CTBP2: variants seen among roughly 807,000 people sequenced by gnomAD.
CTBP2 encodes C-terminal binding protein 2.
A neutral mutation model predicts 80.3 loss-of-function variants in CTBP2; 30 were observed. The ratio of observed to expected loss-of-function variants is 0.37; its 90% confidence interval spans 0.28 to 0.51. CTBP2 has a LOEUF of 0.51. Ranked by LOEUF, CTBP2 falls within the 20% of genes least tolerant of loss-of-function variation. CTBP2 has a pLI of 0.93. For synonymous variants in CTBP2, 594 were observed against 587.4 expected (o/e 1.01, Z -0.16); for missense variants, 1,212 against 1,375.3 (o/e 0.88, Z 1.88).
chr10:125,092,920 G>T (rs1214224046), intron 2 of CTBP2, among the ~76,000 whole-genome samples: 1 of 152,092 alleles, frequency 6.6e-6, no homozygotes, highest in Non-Finnish European at 1.5e-5. Flanking sequence ...AGAGTGGGGG[G>T]GGGCAGCACG....
chr10:124,994,123 G>T, intron 5 of CTBP2, 138 bp from the exon 8 acceptor site: 4 of 1,208,366 alleles, frequency 3.3e-6, no homozygotes, highest in Non-Finnish European at 4.6e-6. Flanking sequence ...TGAGGGAAGG[G>T]AGTGGGAAGT....
At chr10:125,135,714 A>G (rs889717941) in intron 1 of CTBP2, among the ~76,000 whole-genome samples, 1 of 150,922 alleles carries the variant, frequency 6.6e-6, no homozygotes, top group Non-Finnish European at 1.5e-5. Context: ...CTGAAAGATG[A>G]CCCTCACCTG....
intron 2 of CTBP2, among the ~76,000 whole-genome samples, chr10:125,059,073 G>A (rs376676148): frequency 3.9e-5 from 6 of 152,114 alleles, no homozygotes; most frequent in Admixed American, 3.3e-4. Flanking sequence ...GGCTCACTGC[G>A]TGAACCTTCT....
At chr10:125,076,618 T>C (rs1318465544) in intron 2 of CTBP2, among the ~76,000 whole-genome samples, 1 of 152,186 alleles carries the variant, frequency 6.6e-6, no homozygotes, top group Non-Finnish European at 1.5e-5. Flanking sequence ...CAGACTTCAC[T>C]TTCCGAGTTC....
intron 1 of CTBP2, among the ~76,000 whole-genome samples, chr10:125,023,714 T>C (rs960186743): frequency 2.0e-5 from 3 of 152,208 alleles, no homozygotes; most frequent in Non-Finnish European, 4.4e-5. Flanking sequence ...TAGGAGCCTA[T>C]TGTGTGTATG....
At chr10:125,039,743 GC>G (rs1959194545) in intron 2 of CTBP2, among the ~76,000 whole-genome samples, 1 of 152,256 alleles carries the variant, frequency 6.6e-6, no homozygotes, top group Non-Finnish European at 1.5e-5. Context: ...TTCCTCCGAT[GC>G]CGCCTTCCTG....
intron 8 of CTBP2, among the ~76,000 whole-genome samples, chr10:124,990,768 A>ATCAG (rs1196009747): frequency 6.6e-6 from 1 of 151,782 alleles, no homozygotes; most frequent in Non-Finnish European, 1.5e-5. Context: ...CATGAATGGG[A>ATCAG]TCAGTGCCTT....
intron 2 of CTBP2, among the ~76,000 whole-genome samples, chr10:125,054,800 C>T (rs780061204): frequency 2.0e-5 from 3 of 152,146 alleles, no homozygotes; most frequent in East Asian, 1.9e-4. Context: ...AAAAAACAAG[C>T]GAAACCCTCT....
At chr10:125,157,558 C>A (rs1403701498) in intron 1 of CTBP2, among the ~76,000 whole-genome samples, 4 of 152,078 alleles carry the variant, frequency 2.6e-5, no homozygotes, top group Admixed American at 2.6e-4. Context: ...TAACTGGGGT[C>A]CCCTACCCCT....
Position 125,003,934 on chromosome 10 carries a change from C to T in CTBP2, c.1679-442G>A, listed in dbSNP as rs556828898. Among the ~76,000 whole-genome samples the T allele has an allele frequency of 2.6e-5, 4 of 152,364 alleles. No individual in the cohort carries two copies. In the East Asian group the frequency reaches 5.8e-4, roughly 22 times the overall value. On this transcript the variant is annotated intron_variant, in intron 1 of 8. Coordinates refer to ENST00000309035, the MANE Select transcript of CTBP2 (RefSeq NM_022802.3). ...ACAAACAGGCGGCCTGGGCAGGCTC[C>T]TCCAGCCCCTCTCACCTGCGCTGGG...
intron 1 of CTBP2, among the ~76,000 whole-genome samples, chr10:125,136,203 G>A (rs1457806135): frequency 2.0e-5 from 3 of 152,126 alleles, no homozygotes; most frequent in Admixed American, 2.0e-4. Context: ...GGCAGGGGGC[G>A]GCCTCCTAGG....
intron 2 of CTBP2, among the ~76,000 whole-genome samples, chr10:125,087,309 T>C (rs1848138252): frequency 6.6e-6 from 1 of 152,048 alleles, no homozygotes; most frequent in African/African-American, 2.4e-5. Context: ...TGACCTCAGG[T>C]GATTCGCCCA....
chr10:125,118,420 G>A (rs995166847), intron 1 of CTBP2, among the ~76,000 whole-genome samples: 7 of 152,186 alleles, frequency 4.6e-5, no homozygotes, highest in African/African-American at 1.2e-4. Context: ...ATTGATAAAC[G>A]GGTGCTGCTG....
rs1952306884 is a variant in CTBP2, at chr10:124,989,605, G to C, written c.2871C>G (p.Leu957=). ...CTTGGGAAGGATGTGCCACTGTCGGGAGGTTGTGAGTCACTGGGATGCCTC... is the reference window on the plus strand; with the variant it reads ...CTTGGGAAGGATGTGCCACTGTCGGCAGGTTGTGAGTCACTGGGATGCCTC... The change falls in exon 9 of 9, where the codon CTC becomes CTG. Residue 957 remains leucine, a synonymous_variant. Transcript: ENST00000309035. The C allele has an allele frequency of 6.2e-7, 1 of 1,613,042 alleles. No homozygotes were observed. The highest frequency in any genetic ancestry group is 1.7e-5 in the Admixed American group (1 of 59,928).
At chr10:125,084,535 C>T (rs7068152) in intron 2 of CTBP2, among the ~76,000 whole-genome samples, 2,510 of 152,140 alleles carry the variant, frequency 0.016, 61 homozygotes, top group East Asian at 0.064. Flanking sequence ...GAAGGGAGGG[C>T]GTGAGGAGGT....
At chr10:124,991,901 G>T (rs989345568) in intron 8 of CTBP2, among the ~76,000 whole-genome samples, 207 of 146,254 alleles carry the variant, frequency 1.4e-3, no homozygotes, top group African/African-American at 4.4e-3. Flanking sequence ...AATGGGGGGG[G>T]GGGTGTGGGA....
chr10:125,096,627 C>T (rs1364381075), intron 2 of CTBP2, among the ~76,000 whole-genome samples: 2 of 152,072 alleles, frequency 1.3e-5, no homozygotes, highest in Admixed American at 6.5e-5. Context: ...GTCAGGTTGC[C>T]TAGACACAGC....
intron 2 of CTBP2, among the ~76,000 whole-genome samples, chr10:125,078,779 T>C (rs988779837): frequency 6.6e-6 from 1 of 152,104 alleles, no homozygotes; most frequent in Non-Finnish European, 1.5e-5. Flanking sequence ...CCAATAATAA[T>C]GTTCTTTCTT....
chr10:124,985,340 A>T lies in CTBP2; in HGVS notation c.*4178T>A, dbSNP rs1325501183. ...CCAGCATCTTCATATTATTGAGAAA[A>T]TTTTTTCCAGCATGGGCACTTAGAA... On this transcript the variant is annotated 3_prime_UTR_variant, in exon 9 of 9. Transcript: ENST00000309035. 2 of 179,812 alleles carry T rather than the reference A, an allele frequency of 1.1e-5. No homozygotes were observed. The highest frequency in any genetic ancestry group is 2.3e-5 in the Non-Finnish European group (2 of 86,584). 11.1% of individuals were successfully genotyped at this position (179,812 alleles called of 1,614,324 possible).
Sources: allele counts gnomAD v4.1 joint callset (sites outside exome capture counted in the v4.1 genomes callset), GRCh38; gene constraint gnomAD v4.1.1; transcripts MANE v1.5; gene names NCBI Gene and HGNC (gene_info 2026-07-23, HGNC 2026-07-21).